GRIN2A: variants seen among roughly 807,000 people sequenced by gnomAD.
The protein encoded by GRIN2A is glutamate ionotropic receptor NMDA type subunit 2A, also known as glutamate receptor ionotropic, NMDA 2A.
In GRIN2A, 22 loss-of-function variants were observed where a neutral mutation model predicts 113.4. That is an observed-to-expected ratio of 0.19 (90% confidence interval 0.14 to 0.28). GRIN2A has a LOEUF of 0.28. Among genes scored for constraint, GRIN2A ranks in the 10% least tolerant of loss-of-function variants. The probability of loss-of-function intolerance (pLI) is 1.00; values close to 1 mark genes in which losing one functional copy is unlikely to be tolerated. For synonymous variants in GRIN2A, 827 were observed against 738.4 expected, an observed-to-expected ratio of 1.12 and a Z score of -1.94; for missense variants, 1,502 against 1,887.0, an observed-to-expected ratio of 0.80 and a Z score of 3.78.
Position 10,050,712 on chromosome 16 carries a change from T to A in GRIN2A, c.415-112161A>T, listed in dbSNP as rs183272287. On this transcript the variant is annotated intron_variant, in intron 2 of 12. Transcript: ENST00000330684. ...CAATAAATGGAATGCACTTGAATCATTCCAAAACCATCAGCCCAACCCCGG... is the reference window on the plus strand; with the variant it reads ...CAATAAATGGAATGCACTTGAATCAATCCAAAACCATCAGCCCAACCCCGG... Among the ~76,000 whole-genome samples, 236 of 152,196 alleles carry A rather than the reference T, an allele frequency of 1.6e-3. 2 individuals carry two copies. The highest frequency in any genetic ancestry group is 2.6e-3 in the Non-Finnish European group (176 of 68,006).
intron 2 of GRIN2A, among the ~76,000 whole-genome samples, chr16:10,157,530 G>A (rs532280315): frequency 6.6e-6 from 1 of 152,282 alleles, no homozygotes; most frequent in African/African-American, 2.4e-5. Context: ...GCATGGCTGG[G>A]GAGGCCTCAG....
chr16:10,050,661 T>C (rs1310420722), intron 2 of GRIN2A, among the ~76,000 whole-genome samples: 1 of 152,052 alleles, frequency 6.6e-6, no homozygotes, highest in Non-Finnish European at 1.5e-5. Flanking sequence ...TTATATATTA[T>C]AATGTAATAA....
chr16:9,827,552 C>T (rs1203156848), intron 9 of GRIN2A, among the ~76,000 whole-genome samples: 2 of 152,202 alleles, frequency 1.3e-5, no homozygotes, highest in Non-Finnish European at 2.9e-5. Flanking sequence ...AAGGGAGCAG[C>T]TTAGCCTTTG....
intron 2 of GRIN2A, chr16:10,112,621 G>C: frequency 1.3e-6 from 1 of 769,252 alleles, no homozygotes; most frequent in South Asian, 1.3e-5. Context: ...TGGGGCATGG[G>C]CTCGCTAGAT....
At chr16:10,166,459 G>T (rs1226167809) in intron 2 of GRIN2A, among the ~76,000 whole-genome samples, 1 of 152,164 alleles carries the variant, frequency 6.6e-6, no homozygotes, top group Non-Finnish European at 1.5e-5. Context: ...TGTGGGGGAT[G>T]ACAACCTGTA....
chr16:9,766,568 T>TAA (rs1170695873), intron 12 of GRIN2A, among the ~76,000 whole-genome samples: 1 of 152,118 alleles, frequency 6.6e-6, no homozygotes, highest in Non-Finnish European at 1.5e-5. Context: ...CTTCTATATA[T>TAA]AATGTGTGGT....
chr16:9,850,815 T>G (rs1596496142), intron 4 of GRIN2A, among the ~76,000 whole-genome samples: 2 of 152,206 alleles, frequency 1.3e-5, no homozygotes, highest in East Asian at 3.9e-4. Flanking sequence ...GGCATCTTAG[T>G]GCAATCAAAT....
At chr16:10,002,029 A>G (rs898463203) in intron 2 of GRIN2A, among the ~76,000 whole-genome samples, 1 of 152,192 alleles carries the variant, frequency 6.6e-6, no homozygotes, top group Admixed American at 6.6e-5. Context: ...AGCTACTAAT[A>G]TCATCATTAT....
rs1900424167 is a variant in GRIN2A at position 9,757,927 on chromosome 16, C to T, written c.*5222G>A. On this transcript the variant is annotated 3_prime_UTR_variant, in exon 13 of 13. Coordinates refer to ENST00000330684, the MANE Select transcript of GRIN2A (RefSeq NM_001134407.3). ...AGGGCAGCCTTATGGGGATCTCTGG[C>T]TCTTATTCCAGAGCTACTCAGGAGT... is the stretch of plus-strand genomic sequence containing the variant. 1.3e-5 allele frequency: 3 copies of T among 223,910 alleles called. No homozygotes were observed. The highest frequency in any genetic ancestry group is 1.8e-5 in the Non-Finnish European group (2 of 112,050). The allele number at this position is 223,910 out of a possible 1,614,324, so 13.9% of individuals were successfully genotyped here. A position where few individuals can be genotyped will look rare whatever the true frequency, so the allele number is the denominator to read the frequency against.
chr16:9,834,285 TC>T (rs2141325931), intron 7 of GRIN2A, 55 bp from the exon 8 acceptor site: 2 of 1,580,566 alleles, frequency 1.3e-6, no homozygotes, highest in Non-Finnish European at 1.7e-6. Context: ...CTTCCTCACT[TC>T]CAGCAGGAAG....
At chr16:9,913,860 G>T (rs143704102) in intron 3 of GRIN2A, among the ~76,000 whole-genome samples, 1 of 152,036 alleles carries the variant, frequency 6.6e-6, no homozygotes, top group South Asian at 2.1e-4. Context: ...GGCAGATAAC[G>T]TTTGGGCTTG....
intron 5 of GRIN2A, among the ~76,000 whole-genome samples, chr16:9,846,113 A>C (rs569981061): frequency 3.9e-5 from 6 of 152,360 alleles, no homozygotes; most frequent in African/African-American, 1.4e-4. Flanking sequence ...CTGACCCCAA[A>C]ACATGGTCTG....
intron 2 of GRIN2A, among the ~76,000 whole-genome samples, chr16:10,033,514 T>C (rs1896289646): frequency 6.6e-6 from 1 of 152,196 alleles, no homozygotes; most frequent in South Asian, 2.1e-4. Flanking sequence ...AACAGGGCCA[T>C]GATCTTCTCC....
At chr16:9,886,689 A>G (rs1191651894) in intron 4 of GRIN2A, among the ~76,000 whole-genome samples, 1 of 152,182 alleles carries the variant, frequency 6.6e-6, no homozygotes, top group Non-Finnish European at 1.5e-5. Context: ...CTTAATAACT[A>G]TTTGTTGAAT....
intron 2 of GRIN2A, among the ~76,000 whole-genome samples, chr16:10,069,798 G>T (rs2047716214): frequency 6.6e-6 from 1 of 152,222 alleles, no homozygotes. Context: ...AGCCATACAG[G>T]GTCCAGCAAG....
intron 4 of GRIN2A, among the ~76,000 whole-genome samples, chr16:9,884,179 A>C (rs924393466): frequency 1.3e-5 from 2 of 152,176 alleles, no homozygotes; most frequent in African/African-American, 4.8e-5. Context: ...TTATTTGTTA[A>C]CTTAAACAAA....
At chr16:9,856,186 A>G (rs2042964147) in intron 4 of GRIN2A, among the ~76,000 whole-genome samples, 1 of 152,212 alleles carries the variant, frequency 6.6e-6, no homozygotes, top group Non-Finnish European at 1.5e-5. Flanking sequence ...TAAAAATATT[A>G]TGTTTCTTGC....
In GRIN2A at chr16:9,987,905, A is replaced by T. The variant is rs556630990; in HGVS notation, c.415-49354T>A. Among the ~76,000 whole-genome samples, 633 of 152,310 alleles carry T rather than the reference A, an allele frequency of 4.2e-3. 3 individuals are homozygous for T. Among genetic ancestry groups the T allele is most frequent in the Non-Finnish European group, 6.7e-3 (458 of 68,032 alleles). The stretch of plus-strand genomic sequence containing the variant: ...AGACTTGGGGCAGGAGGTTCTCTCT[A>T]CCCAGGAGATAAATCCAAAGACTGT... On this transcript the variant is annotated intron_variant, in intron 2 of 12. Coordinates refer to ENST00000330684, the MANE Select transcript of GRIN2A (RefSeq NM_001134407.3).
chr16:9,791,889 G>GATCTGTGA (rs1902626828), intron 11 of GRIN2A, among the ~76,000 whole-genome samples: 1 of 152,088 alleles, frequency 6.6e-6, no homozygotes, highest in South Asian at 2.1e-4. Flanking sequence ...CCCACTCCAA[G>GATCTGTGA]ATCTGTGAGC....
Sources: gnomAD v4.1 joint callset for allele counts (sites outside exome capture counted in the v4.1 genomes callset) on GRCh38, gnomAD v4.1.1 for gene constraint, MANE v1.5 for transcripts, NCBI Gene and HGNC (gene_info 2026-07-23, HGNC 2026-07-21) for gene names.